The following MORN1 variants were observed in gnomAD, a reference collection of about 807,000 sequenced individuals.
MORN1 encodes MORN repeat-containing protein 1.
Under a neutral mutation model 61.9 loss-of-function variants are expected in MORN1, and 67 were observed. That is an observed-to-expected ratio of 1.08 (90% confidence interval 0.89 to 1.33). The LOEUF is 1.33. MORN1 is among the 40% of genes most tolerant of loss of function. The pLI is 0.00. For synonymous variants in MORN1, 301 were observed against 292.0 expected (o/e 1.03, Z -0.31); for missense variants, 752 against 691.2 (o/e 1.09, Z -0.99).
intron 1 of MORN1, chr1:2,390,441 TG>T (rs1642621841): frequency 2.0e-6 from 2 of 985,212 alleles, no homozygotes; most frequent in African/African-American, 3.5e-5. Flanking sequence ...CTCCTATCGC[TG>T]GGGAGAAAAT....
At position 2,336,766 on chromosome 1, in the gene MORN1, G is replaced by A. The variant is rs561859972; in HGVS notation, c.1121C>T (p.Pro374Leu). 243 of 1,603,494 alleles carry A rather than the reference G, an allele frequency of 1.5e-4. 2 individuals carry two copies. In the South Asian group the frequency reaches 2.3e-3, roughly 15 times the overall value. ...GAAGGGGTGGTACCCAGGCGGGGGC[G>A]GCCCCAGGAGGACATCTGTGAACTC... ...CAEFTDVLLG[P>L]PPPGYHPFLF... Residue 374 changes from proline (P) to leucine (L), a missense_variant, in exon 11 of 14, where the codon CCG becomes CTG. Pro to Leu is a moderately conservative substitution (Grantham distance 98). Coordinates refer to ENST00000378531, the MANE Select transcript of MORN1 (RefSeq NM_024848.3).
At chr1:2,390,443 G>A (rs897471417) in intron 1 of MORN1, 4 of 985,330 alleles carry the variant, frequency 4.1e-6, no homozygotes, top group Non-Finnish European at 4.8e-6. Context: ...CCTATCGCTG[G>A]GGAGAAAATC....
rs774314148 is a variant in MORN1, at chr1:2,388,271, G to A, written c.215C>T (p.Thr72Met). 26 of 1,613,738 alleles carry A rather than the reference G, an allele frequency of 1.6e-5. No individual in the cohort carries two copies. Among genetic ancestry groups the A allele is most frequent in the Non-Finnish European group, 2.1e-5 (25 of 1,179,990 alleles). ...YEGAFVDGEI[T>M]GEGRRHWAWS... ...GGCCCAGTGCCGGCGGCCTTCTCCCGTGATCTCTCCGTCCACAAACGCCCC... is the reference window on the plus strand; with the variant it reads ...GGCCCAGTGCCGGCGGCCTTCTCCCATGATCTCTCCGTCCACAAACGCCCC... Residue 72 changes from threonine (T) to methionine (M), a missense_variant, in exon 3 of 14, where the codon ACG (threonine) becomes ATG (methionine). By Grantham distance (81) the Thr-to-Met change is moderately conservative. Coordinates refer to ENST00000378531, the MANE Select transcript of MORN1 (RefSeq NM_024848.3).
chr1:2,372,547 C>T lies in MORN1; in HGVS notation c.679G>A (p.Val227Met). 6.2e-7 allele frequency: 1 copy of T among 1,613,840 alleles called. No homozygotes were observed. The highest frequency in any genetic ancestry group is 1.1e-5 in the South Asian group (1 of 91,030). Residue 227 changes from valine to methionine, a missense_variant, in exon 8 of 14, where the codon GTG (valine) becomes ATG (methionine). By Grantham distance (21) the Val-to-Met change is conservative. Transcript: ENST00000378531. This position sits in a 1 kb window ranked among gnomAD's most constrained non-coding sequence, Gnocchi z 5.4. Reference sequence around the variant, plus strand: ...ACCGAGAAGGGAGACCCTTGGGCCACTTCCATCACCTCCGGACCCAAGATC... The same window carrying T: ...ACCGAGAAGGGAGACCCTTGGGCCATTTCCATCACCTCCGGACCCAAGATC... ...IVILGPEVMEVAQGSPFSVNV... is the reference protein window; with the variant it reads ...IVILGPEVMEMAQGSPFSVNV...
intron 12 of MORN1, among the ~76,000 whole-genome samples, chr1:2,324,605 G>A (rs2100218517): frequency 6.6e-6 from 1 of 152,248 alleles, no homozygotes; most frequent in Non-Finnish European, 1.5e-5. Context: ...GTGGTATGGT[G>A]CCCCCTTGGA....
At position 2,334,467 on chromosome 1, in the gene MORN1, C is replaced by T. The variant is rs1641223333; in HGVS notation, c.1250+2002G>A. On this transcript the variant is annotated intron_variant, in intron 12 of 13. Coordinates refer to ENST00000378531, the MANE Select transcript of MORN1 (RefSeq NM_024848.3). The surrounding 1 kb of genome is among the most constrained non-coding windows in gnomAD (Gnocchi z 5.4). ...CGGAGAGTTCCCGATGGGAAAGACT[C>T]CCCAGGGTTTCCGCACCCAGAAGAC... is the stretch of plus-strand genomic sequence containing the variant. Among the ~76,000 whole-genome samples, 1 of 152,172 alleles carries T rather than the reference C, an allele frequency of 6.6e-6. No individual in the cohort carries two copies. Among genetic ancestry groups the T allele is most frequent in the South Asian group, 2.1e-4 (1 of 4,832 alleles).
intron 2 of MORN1, among the ~76,000 whole-genome samples, chr1:2,389,537 G>C (rs1277361613): frequency 6.6e-6 from 1 of 152,200 alleles, no homozygotes; most frequent in African/African-American, 2.4e-5. Context: ...CAAAGTACTG[G>C]GATTACAGGC....
At chr1:2,380,212 AGGGGTTGGAGCGTG>A (rs1330631298) in intron 6 of MORN1, among the ~76,000 whole-genome samples, 1 of 152,220 alleles carries the variant, frequency 6.6e-6, no homozygotes, top group Admixed American at 6.5e-5. Context: ...AGTGGCTGCC[AGGGGTTGGAGCGTG>A]GGGAGTTCGT....
At chr1:2,386,124 C>T in intron 4 of MORN1, 1 of 554,226 alleles carries the variant, frequency 1.8e-6, no homozygotes, top group Non-Finnish European at 3.3e-6. Context: ...TGCTTTGGGA[C>T]AGGTCGGTGA....
chr1:2,370,861 G>T (rs974514760), intron 8 of MORN1, among the ~76,000 whole-genome samples: 23 of 143,580 alleles, frequency 1.6e-4, no homozygotes, highest in African/African-American at 5.1e-4. Flanking sequence ...AACAATTTTG[G>T]TTTTTTTTTT....
chr1:2,387,699 G>A, intron 3 of MORN1, 170 bp from the exon 4 acceptor site: 1 of 614,356 alleles, frequency 1.6e-6, no homozygotes, highest in Non-Finnish European at 2.9e-6. Context: ...TGGTAAGCAG[G>A]TCTGGTCTCC....
intron 10 of MORN1, among the ~76,000 whole-genome samples, chr1:2,338,183 T>A (rs186323061): frequency 1.3e-5 from 2 of 152,292 alleles, no homozygotes. Context: ...ACAGAGACGC[T>A]AGGGAGAGCC....
chr1:2,358,366 G>C (rs923957349), intron 9 of MORN1, among the ~76,000 whole-genome samples: 2 of 152,160 alleles, frequency 1.3e-5, no homozygotes, highest in African/African-American at 4.8e-5. Flanking sequence ...GGAGACTAGG[G>C]GCTCTGACCA....
intron 12 of MORN1, among the ~76,000 whole-genome samples, chr1:2,328,106 C>T (rs1035795051): frequency 1.4e-4 from 22 of 152,380 alleles, no homozygotes; most frequent in African/African-American, 4.6e-4. Flanking sequence ...CCTGTCTACC[C>T]GGACCCACCC....
chr1:2,385,886 G>C lies in MORN1; in HGVS notation c.370C>G (p.Leu124Val), dbSNP rs12130128. ...SHGMREGHGF[L>V]VDRDGQVYQG... ...TACACTTGTCCATCCCGGTCCACCA[G>C]AAACCCGTGTCCTGGAGAAGGGACC... The change falls in exon 5 of 14, where the codon CTG becomes GTG. Residue 124 changes from leucine to valine, a missense_variant. Transcript: ENST00000378531. 1 of 1,613,994 alleles carries C rather than the reference G, an allele frequency of 6.2e-7. No homozygotes were observed. Among genetic ancestry groups the C allele is most frequent in the South Asian group, 1.1e-5 (1 of 91,086 alleles).
chr1:2,340,882 C>T (rs183269808), intron 10 of MORN1, among the ~76,000 whole-genome samples: 24 of 152,268 alleles, frequency 1.6e-4, no homozygotes, highest in African/African-American at 4.8e-4. Context: ...GACCTGTGGC[C>T]GCCACACAGA....
At chr1:2,367,844 G>A (rs1171893041) in intron 8 of MORN1, among the ~76,000 whole-genome samples, 1 of 152,108 alleles carries the variant, frequency 6.6e-6, no homozygotes, top group East Asian at 1.9e-4. Flanking sequence ...GGCCAGGCTG[G>A]TCTTGAACTC....
chr1:2,323,302 G>T lies in MORN1; in HGVS notation c.1297+795C>A, dbSNP rs929907376. 1.2e-5 allele frequency: 12 copies of T among 985,274 alleles called. No individual in the cohort carries two copies. In the African/African-American group the frequency reaches 1.4e-4, roughly 11 times the overall value. The allele number at this position is 985,274 out of a possible 1,614,324, so 61.0% of individuals were successfully genotyped here. On this transcript the variant is annotated intron_variant, in intron 13 of 13. Coordinates refer to ENST00000378531, the MANE Select transcript of MORN1 (RefSeq NM_024848.3). ...GTGGCTCTGCTTGTTCTCCCGCTGC[G>T]CCAGAGGCAGCTCCACGGTGGCATC...
chr1:2,340,884 CCA>C (rs1432810398), intron 10 of MORN1, among the ~76,000 whole-genome samples: 1 of 152,246 alleles, frequency 6.6e-6, no homozygotes, highest in Non-Finnish European at 1.5e-5. Flanking sequence ...CCTGTGGCCG[CCA>C]CACAGACGGC....
Sources: allele counts gnomAD v4.1 joint callset (sites outside exome capture counted in the v4.1 genomes callset), GRCh38; gene constraint gnomAD v4.1.1; non-coding constraint Gnocchi (gnomAD v3.1); transcripts MANE v1.5; gene names NCBI Gene and HGNC (gene_info 2026-07-23, HGNC 2026-07-21).